PAX3: variants seen among roughly 807,000 people sequenced by gnomAD.
The protein encoded by PAX3 is paired box protein Pax-3.
A neutral mutation model predicts 51.6 loss-of-function variants in PAX3; 14 were observed. The ratio of observed to expected loss-of-function variants is 0.27; its 90% confidence interval spans 0.18 to 0.42. PAX3 has a LOEUF of 0.42. Among genes scored for constraint, PAX3 ranks in the 10% least tolerant of loss-of-function variants. The pLI is 1.00. For synonymous variants in PAX3, 280 were observed against 253.4 expected, an observed-to-expected ratio of 1.11 and a Z score of -1.00; for missense variants, 540 against 642.8, an observed-to-expected ratio of 0.84 and a Z score of 1.73.
At chr2:222,222,327 A>G (rs1031945845) in intron 5 of PAX3, among the ~76,000 whole-genome samples, 4 of 152,136 alleles carry the variant, frequency 2.6e-5, no homozygotes, top group African/African-American at 7.2e-5. Flanking sequence ...CACGGAGCAC[A>G]CATGATGTTT....
chr2:222,246,504 A>C (rs935624706), intron 4 of PAX3, among the ~76,000 whole-genome samples: 15 of 152,204 alleles, frequency 9.9e-5, no homozygotes, highest in Non-Finnish European at 1.9e-4. Context: ...ATGTCTAAAA[A>C]TAAAAAATAA....
At chr2:222,208,288 G>T (rs915019933) in intron 7 of PAX3, among the ~76,000 whole-genome samples, 1 of 145,960 alleles carries the variant, frequency 6.9e-6, no homozygotes. Flanking sequence ...AATATTGGGG[G>T]ACTATAGCAA....
chr2:222,232,418 C>CA, intron 4 of PAX3, 135 bp from the exon 5 acceptor site: 1 of 756,288 alleles, frequency 1.3e-6, no homozygotes. Flanking sequence ...AAATGTGGAT[C>CA]AAAAAACAAG....
chr2:222,239,419 G>A (rs533273783), intron 4 of PAX3, among the ~76,000 whole-genome samples: 2 of 152,218 alleles, frequency 1.3e-5, no homozygotes, highest in Non-Finnish European at 2.9e-5. Flanking sequence ...TCAGCACCTG[G>A]AAGCTTCTCT....
chr2:222,237,190 A>T (rs962118187), intron 4 of PAX3, among the ~76,000 whole-genome samples: 1 of 151,918 alleles, frequency 6.6e-6, no homozygotes, highest in African/African-American at 2.4e-5. Context: ...GGAAACTGAG[A>T]CTCCAAGAGG....
At chr2:222,209,323 T>C (rs1282688797) in intron 7 of PAX3, among the ~76,000 whole-genome samples, 1 of 152,188 alleles carries the variant, frequency 6.6e-6, no homozygotes, top group Non-Finnish European at 1.5e-5. Context: ...AGACGCTTCC[T>C]TGCCCTTTTC....
chr2:222,264,331 A>T (rs1182028646), intron 4 of PAX3: 1 of 152,248 alleles, frequency 6.6e-6, no homozygotes, highest in Non-Finnish European at 1.5e-5. Flanking sequence ...TTTGTGAAAT[A>T]ACCAGAATAG....
At chr2:222,277,736 C>A (rs2106168748) in intron 4 of PAX3, among the ~76,000 whole-genome samples, 1 of 152,112 alleles carries the variant, frequency 6.6e-6, no homozygotes, top group East Asian at 1.9e-4. Flanking sequence ...GAGACCGAGA[C>A]CAGCCTGGCC....
chr2:222,254,142 T>C lies in PAX3; in HGVS notation c.587-21859A>G, dbSNP rs79333143. Among the ~76,000 whole-genome samples, 1,024 of 152,132 alleles carry C rather than the reference T, an allele frequency of 6.7e-3. 7 individuals are homozygous for C. The highest frequency in any genetic ancestry group is 0.023 in the African/African-American group (946 of 41,468). On this transcript the variant is annotated intron_variant, in intron 4 of 8. Coordinates refer to ENST00000392070, the MANE Select transcript of PAX3 (RefSeq NM_181458.4). ...ACATCCAATCTCCAGGAAATGCCTA[T>C]TGCAAATTTTTTTTTTAAAAAAAAG... is the stretch of plus-strand genomic sequence containing the variant.
chr2:222,289,452 C>A (rs1694950438), intron 4 of PAX3, among the ~76,000 whole-genome samples: 1 of 152,172 alleles, frequency 6.6e-6, no homozygotes, highest in African/African-American at 2.4e-5. Flanking sequence ...GCCTGAACCG[C>A]CGCGCGCTGA....
chr2:222,256,188 G>C (rs971644444), intron 4 of PAX3, among the ~76,000 whole-genome samples: 2 of 151,994 alleles, frequency 1.3e-5, no homozygotes, highest in Non-Finnish European at 2.9e-5. Context: ...CTGCTATTTG[G>C]AACGTGCCAG....
intron 4 of PAX3, among the ~76,000 whole-genome samples, chr2:222,259,225 G>A (rs897888517): frequency 3.3e-5 from 5 of 152,198 alleles, no homozygotes; most frequent in South Asian, 2.1e-4. Flanking sequence ...GCACACACAC[G>A]GAAGCAACTA....
At chr2:222,255,597 G>T (rs1471964835) in intron 4 of PAX3, among the ~76,000 whole-genome samples, 1 of 152,140 alleles carries the variant, frequency 6.6e-6, no homozygotes, top group Non-Finnish European at 1.5e-5. Flanking sequence ...TTTACATATA[G>T]GAACTCAGGT....
chr2:222,257,607 C>T (rs546020530), intron 4 of PAX3, among the ~76,000 whole-genome samples: 22 of 152,334 alleles, frequency 1.4e-4, no homozygotes, highest in African/African-American at 5.1e-4. Context: ...CTACCTGTCT[C>T]CATTCATCTT....
rs77337416 is a variant in PAX3, at chr2:222,229,874, G to A, written c.792+2204C>T. Among the ~76,000 whole-genome samples, 418 of 152,172 alleles carry A rather than the reference G, an allele frequency of 2.7e-3. 1 individual carries two copies. Among genetic ancestry groups the A allele is most frequent in the African/African-American group, 9.7e-3 (404 of 41,522 alleles). ...GGTCCAGTGAATATCTATCTAGCCC[G>A]GAAAGTTCATCTTAAATCTGCCCTC... On this transcript the variant is annotated intron_variant, in intron 5 of 8. Transcript: ENST00000392070.
chr2:222,269,788 G>A (rs1196310889), intron 4 of PAX3, among the ~76,000 whole-genome samples: 1 of 152,128 alleles, frequency 6.6e-6, no homozygotes, highest in Non-Finnish European at 1.5e-5. Context: ...GAAATTGTGT[G>A]CCATGGGTAG....
At chr2:222,285,177 C>T (rs374105543) in intron 4 of PAX3, among the ~76,000 whole-genome samples, 109 of 152,126 alleles carry the variant, frequency 7.2e-4, no homozygotes, top group African/African-American at 2.5e-3. Context: ...TAAGCTCAAC[C>T]GTGTTGATTG....
intron 7 of PAX3, among the ~76,000 whole-genome samples, chr2:222,213,840 C>T (rs1235550725): frequency 1.3e-5 from 2 of 152,182 alleles, no homozygotes; most frequent in African/African-American, 4.8e-5. Flanking sequence ...ACAAGACTAG[C>T]ATCAGGTAGC....
At chr2:222,221,526 G>C (rs1475716679) in intron 5 of PAX3, 139 bp from the exon 6 acceptor site, 1 of 815,844 alleles carries the variant, frequency 1.2e-6, no homozygotes, top group Admixed American at 2.0e-5. Flanking sequence ...CTTCTGTGTT[G>C]TTTGGGCGAA....
Sources: gnomAD v4.1 joint callset for allele counts (sites outside exome capture counted in the v4.1 genomes callset) on GRCh38, gnomAD v4.1.1 for gene constraint, MANE v1.5 for transcripts, NCBI Gene and HGNC (gene_info 2026-07-23, HGNC 2026-07-21) for gene names.